Variants in SERPINE2 observed in about 807,000 individuals in gnomAD.
SERPINE2 encodes serpin family E member 2.
Under a neutral mutation model 36.3 loss-of-function variants are expected in SERPINE2, and 14 were observed. The observed-to-expected ratio is 0.39, with a 90% confidence interval of 0.25 to 0.60. The LOEUF is 0.60. SERPINE2 is among the 20% of genes least tolerant of loss of function. The probability of loss-of-function intolerance (pLI) is 0.57; values close to 1 mark genes in which losing one functional copy is unlikely to be tolerated. For missense variants in SERPINE2, 418 were observed against 499.6 expected (o/e 0.84, Z 1.56); for synonymous variants, 192 against 191.8 (o/e 1.00, Z -0.01).
At chr2:224,022,783 T>C (rs1692049759) in intron 1 of SERPINE2, among the ~76,000 whole-genome samples, 1 of 152,222 alleles carries the variant, frequency 6.6e-6, no homozygotes, top group East Asian at 1.9e-4. Flanking sequence ...CCAAAATCTC[T>C]TCTTGAATTA....
intron 1 of SERPINE2, among the ~76,000 whole-genome samples, chr2:224,002,820 C>A (rs1691239279): frequency 6.6e-6 from 1 of 151,986 alleles, no homozygotes; most frequent in East Asian, 1.9e-4. Flanking sequence ...CATAAGTGCC[C>A]TTCATCCAAT....
intron 4 of SERPINE2, among the ~76,000 whole-genome samples, chr2:223,986,667 A>AT (rs1690442828): frequency 6.6e-6 from 1 of 152,182 alleles, no homozygotes; most frequent in African/African-American, 2.4e-5. Flanking sequence ...AATGTTTACT[A>AT]TTTCTGTTAA....
At chr2:224,031,401 G>T in intron 1 of SERPINE2, 2 of 985,588 alleles carry the variant, frequency 2.0e-6, no homozygotes, top group African/African-American at 3.5e-5. Flanking sequence ...TCCGTTGGGG[G>T]GAAAACAGAA....
chr2:224,038,771 G>A (rs1259885716), intron 1 of SERPINE2: 6 of 517,714 alleles, frequency 1.2e-5, no homozygotes, highest in Non-Finnish European at 2.0e-5. Flanking sequence ...CAGGAGCCAC[G>A]CCGGCCCCGG....
At chr2:224,000,944 G>A (rs954405317) in intron 2 of SERPINE2, among the ~76,000 whole-genome samples, 12 of 152,030 alleles carry the variant, frequency 7.9e-5, no homozygotes, top group Non-Finnish European at 1.6e-4. Context: ...ATGGACATTC[G>A]GGTTGGTTCC....
chr2:224,001,947 T>G (rs758365651), intron 1 of SERPINE2, 25 bp from the exon 2 acceptor site: 1 of 1,578,124 alleles, frequency 6.3e-7, no homozygotes, highest in African/African-American at 1.4e-5. Context: ...TAAAAAATAT[T>G]TAAATTATAC....
intron 1 of SERPINE2, among the ~76,000 whole-genome samples, chr2:224,023,794 G>A (rs1407695057): frequency 6.6e-6 from 1 of 152,212 alleles, no homozygotes; most frequent in African/African-American, 2.4e-5. Context: ...AAGTAATCCT[G>A]TGACACTGGG....
At chr2:224,011,550 C>T (rs751450159) in intron 1 of SERPINE2, among the ~76,000 whole-genome samples, 1 of 152,170 alleles carries the variant, frequency 6.6e-6, no homozygotes, top group South Asian at 2.1e-4. Context: ...TTTAGAATAA[C>T]CCTGATATGC....
intron 1 of SERPINE2, among the ~76,000 whole-genome samples, chr2:224,021,659 A>G (rs1014790890): frequency 1.3e-5 from 2 of 152,230 alleles, no homozygotes; most frequent in African/African-American, 4.8e-5. Context: ...ATCTATCCCT[A>G]CTGGGAAGGA....
chr2:224,024,876 C>T (rs1348841523), intron 1 of SERPINE2, among the ~76,000 whole-genome samples: 2 of 152,146 alleles, frequency 1.3e-5, no homozygotes, highest in African/African-American at 2.4e-5. Flanking sequence ...ACTGCACCAA[C>T]GAATCTTTAG....
intron 4 of SERPINE2, among the ~76,000 whole-genome samples, chr2:223,986,600 A>G (rs1329094749): frequency 6.6e-6 from 1 of 152,218 alleles, no homozygotes; most frequent in Non-Finnish European, 1.5e-5. Context: ...GAAGTGGTTA[A>G]TAAGTGATTG....
At position 224,031,394 on chromosome 2, in the gene SERPINE2, G is replaced by C. The variant is rs577303994; in HGVS notation, c.-23+7705C>G. Reference sequence around the variant, plus strand: ...CTCTAGGAGACCACATAGAGATTCCGTTGGGGGGAAAACAGAAAGAAAGGC... The same window carrying C: ...CTCTAGGAGACCACATAGAGATTCCCTTGGGGGGAAAACAGAAAGAAAGGC... On this transcript the variant is annotated intron_variant, in intron 1 of 8. Coordinates refer to ENST00000409304, the MANE Select transcript of SERPINE2 (RefSeq NM_001136528.2). The C allele has an allele frequency of 6.1e-6, 6 of 985,536 alleles. No individual in the cohort carries two copies. In the South Asian group the frequency reaches 1.9e-4, roughly 31 times the overall value. The allele number at this position is 985,536 out of a possible 1,614,324, so 61.0% of individuals were successfully genotyped here.
intron 1 of SERPINE2, among the ~76,000 whole-genome samples, chr2:224,005,142 T>C (rs1446826261): frequency 6.8e-6 from 1 of 146,186 alleles, no homozygotes; most frequent in Non-Finnish European, 1.5e-5. Context: ...CAGTGAGAAA[T>C]CTAACAGCTC....
chr2:223,995,067 A>AGT (rs1277800736), intron 3 of SERPINE2, among the ~76,000 whole-genome samples: 3 of 152,112 alleles, frequency 2.0e-5, no homozygotes, highest in Non-Finnish European at 1.5e-5. Flanking sequence ...AGGCAGCAGG[A>AGT]GTGTATGTGT....
intron 1 of SERPINE2, chr2:224,031,266 C>T: frequency 1.1e-6 from 1 of 903,628 alleles, no homozygotes; most frequent in Non-Finnish European, 1.3e-6. Flanking sequence ...TGTGACCCCC[C>T]ACATACTGCG....
chr2:224,020,134 A>T (rs1261661284), intron 1 of SERPINE2, among the ~76,000 whole-genome samples: 1 of 152,194 alleles, frequency 6.6e-6, no homozygotes, highest in East Asian at 1.9e-4. Context: ...TCACTTAACC[A>T]CATTTACATC....
At chr2:223,980,917 TAAGAG>T (rs1374532812) in intron 6 of SERPINE2, 1 of 153,502 alleles carries the variant, frequency 6.5e-6, no homozygotes, top group African/African-American at 2.4e-5. Flanking sequence ...GGCATGCTAG[TAAGAG>T]AAGAGTGTCG....
intron 4 of SERPINE2, among the ~76,000 whole-genome samples, chr2:223,989,486 C>T (rs60701118): frequency 0.04 from 6,064 of 152,300 alleles, 344 homozygotes; most frequent in East Asian, 0.18. Flanking sequence ...AAATGACGGA[C>T]AGTCTGTGGA....
intron 1 of SERPINE2, among the ~76,000 whole-genome samples, chr2:224,002,649 C>G (rs932900784): frequency 7.0e-6 from 1 of 143,610 alleles, no homozygotes; most frequent in Non-Finnish European, 1.5e-5. Context: ...TGCGCCAACT[C>G]GTCTGGCAAT....
Sources: gnomAD v4.1 joint callset for allele counts (sites outside exome capture counted in the v4.1 genomes callset) on GRCh38, gnomAD v4.1.1 for gene constraint, MANE v1.5 for transcripts, NCBI Gene and HGNC (gene_info 2026-07-23, HGNC 2026-07-21) for gene names.